FSD1L: variants seen among roughly 807,000 people sequenced by gnomAD.
The protein encoded by FSD1L is fibronectin type III and SPRY domain containing 1 like, also known as FSD1-like protein.
In FSD1L, 45 loss-of-function variants were observed where a neutral mutation model predicts 71.6. The observed-to-expected ratio is 0.63, with a 90% confidence interval of 0.49 to 0.81. The LOEUF (loss-of-function observed/expected upper bound fraction) is 0.81, where lower values mean the gene tolerates loss of function less well. Ranked by LOEUF, FSD1L falls within the 30% of genes least tolerant of loss-of-function variation. FSD1L has a pLI of 0.00. For synonymous variants in FSD1L, 197 were observed against 207.2 expected (o/e 0.95, Z 0.42); for missense variants, 561 against 618.1 (o/e 0.91, Z 0.98).
chr9:105,535,601 C>T (rs1414603200), intron 12 of FSD1L, among the ~76,000 whole-genome samples: 1 of 152,082 alleles, frequency 6.6e-6, no homozygotes, highest in Non-Finnish European at 1.5e-5. Context: ...CATTTTAATT[C>T]CTTCCTTACC....
At chr9:105,447,200 T>G (rs1483311884), upstream of FSD1L, among the ~76,000 whole-genome samples, 1 of 151,522 alleles carries the variant, frequency 6.6e-6, no homozygotes, top group Non-Finnish European at 1.5e-5. Context: ...TGGGGGCGCC[T>G]GTAATCCCAG....
intron 7 of FSD1L, among the ~76,000 whole-genome samples, chr9:105,494,975 T>C (rs186380722): frequency 6.6e-6 from 1 of 152,184 alleles, no homozygotes; most frequent in African/African-American, 2.4e-5. Flanking sequence ...TTGAGGAGGC[T>C]GTCTGCCTGT....
chr9:105,460,223 C>G (rs943057698), intron 1 of FSD1L, among the ~76,000 whole-genome samples: 7 of 152,000 alleles, frequency 4.6e-5, no homozygotes, highest in Non-Finnish European at 1.0e-4. Context: ...ACATCTTAGG[C>G]CAATACAGTT....
chr9:105,494,067 G>A (rs1015881600), intron 7 of FSD1L, among the ~76,000 whole-genome samples: 1 of 152,214 alleles, frequency 6.6e-6, no homozygotes, highest in Admixed American at 6.5e-5. Context: ...GATTGAGGAA[G>A]TTCTCCTGGA....
intron 6 of FSD1L, among the ~76,000 whole-genome samples, chr9:105,482,914 C>A (rs1351668866): frequency 6.6e-6 from 1 of 152,012 alleles, no homozygotes; most frequent in Non-Finnish European, 1.5e-5. Context: ...TTTGAATAAA[C>A]CAAGTAGGTT....
chr9:105,453,044 GTTTT>G (rs774826229), intron 1 of FSD1L, among the ~76,000 whole-genome samples: 3 of 88,238 alleles, frequency 3.4e-5, no homozygotes, highest in Non-Finnish European at 2.1e-5. Context: ...ACCTAAAGTT[GTTTT>G]TTTTTTTTTT....
chr9:105,512,922 A>G lies in FSD1L; in HGVS notation c.1011A>G (p.Lys337=). Residue 337 remains lysine (K), a synonymous_variant, in exon 10 of 14, where the codon AAA becomes AAG. Transcript: ENST00000481272. ...GKGQESKIKG[K]ENKGRSGTPS... The stretch of plus-strand genomic sequence containing the variant: ...GTCAAGAAAGTAAAATTAAAGGAAA[A>G]GAGAACAAGGGCAGGTAAGCTAGAC... 6.5e-7 allele frequency: 1 copy of G among 1,537,004 alleles called. No homozygotes were observed. The highest frequency in any genetic ancestry group is 8.8e-7 in the Non-Finnish European group (1 of 1,141,402).
intron 10 of FSD1L, chr9:105,521,154 G>T (rs2131417728): frequency 1.2e-6 from 2 of 1,613,924 alleles, no homozygotes; most frequent in Middle Eastern, 3.4e-4. Flanking sequence ...TTTCATTAAG[G>T]CTCGTGTTAT....
At chr9:105,497,187 C>T (rs115844177) in intron 7 of FSD1L, among the ~76,000 whole-genome samples, 2,404 of 152,128 alleles carry the variant, frequency 0.016, 87 homozygotes, top group African/African-American at 0.055. Flanking sequence ...TTTCAAATGT[C>T]GAACCAGCCT....
At chr9:105,522,816 A>G (rs1835261350) in intron 10 of FSD1L, 15 of 1,613,408 alleles carry the variant, frequency 9.3e-6, no homozygotes, top group Non-Finnish European at 1.2e-5. Flanking sequence ...TGCCTCGACT[A>G]TGACAAGAAG....
intron 6 of FSD1L, among the ~76,000 whole-genome samples, chr9:105,482,593 G>A (rs773345679): frequency 1.6e-3 from 238 of 152,236 alleles, no homozygotes; most frequent in South Asian, 3.3e-3. Flanking sequence ...TTTAGTTTGG[G>A]CTTTGAGGCA....
At chr9:105,448,576 GT>G in intron 1 of FSD1L, among the ~76,000 whole-genome samples, 1 of 152,172 alleles carries the variant, frequency 6.6e-6, no homozygotes, top group Admixed American at 6.5e-5. Context: ...GAGCGTGCTG[GT>G]GGGGGTGTAT....
At position 105,551,884 on chromosome 9, in the gene FSD1L, C is replaced by G. The variant is rs773515313; in HGVS notation, c.*5401C>G. ...TGTATTTGGTCTAAACAGTTCTTTCCAAACAACCAAATGGCTGGGCAGCTT... is the reference window on the plus strand; with the variant it reads ...TGTATTTGGTCTAAACAGTTCTTTCGAAACAACCAAATGGCTGGGCAGCTT... On this transcript the variant is annotated 3_prime_UTR_variant, in exon 14 of 14. Coordinates refer to ENST00000481272, the MANE Select transcript of FSD1L (RefSeq NM_001145313.3). 4.8e-4 allele frequency: 73 copies of G among 152,234 alleles called. No individual in the cohort carries two copies. The Middle Eastern group carries it at 0.014, about 28-fold the overall frequency. The allele number at this position is 152,234 out of a possible 1,614,324, so 9.4% of individuals were successfully genotyped here. A position where few individuals can be genotyped will look rare whatever the true frequency, so the allele number is the denominator to read the frequency against.
At chr9:105,521,633 A>C in intron 10 of FSD1L, 1 of 1,613,346 alleles carries the variant, frequency 6.2e-7, no homozygotes, top group South Asian at 1.1e-5. Flanking sequence ...TCACTTCTTC[A>C]GACCTCCCTT....
intron 10 of FSD1L, chr9:105,530,407 T>C: frequency 4.0e-6 from 2 of 498,758 alleles, no homozygotes; most frequent in South Asian, 6.2e-5. Context: ...TGGAAGAGTT[T>C]TCCTTACTTA....
chr9:105,526,364 C>T, intron 10 of FSD1L: 1 of 1,612,712 alleles, frequency 6.2e-7, no homozygotes, highest in Non-Finnish European at 8.5e-7. Context: ...CATTAAATAT[C>T]AGTTCTGTTT....
chr9:105,534,411 C>T, intron 10 of FSD1L, 82 bp from the exon 11 acceptor site: 1 of 691,354 alleles, frequency 1.4e-6, no homozygotes, highest in South Asian at 2.0e-5. Context: ...TTCAGAGGTT[C>T]CTTCCATGAT....
intron 1 of FSD1L, among the ~76,000 whole-genome samples, chr9:105,456,505 T>C (rs1014147994): frequency 6.6e-6 from 1 of 152,254 alleles, no homozygotes; most frequent in African/African-American, 2.4e-5. Flanking sequence ...AACATAACTT[T>C]AAGCTGTGCT....
At chr9:105,519,419 C>T (rs150953444) in intron 10 of FSD1L, among the ~76,000 whole-genome samples, 4,056 of 152,208 alleles carry the variant, frequency 0.027, 63 homozygotes, top group African/African-American at 0.036. Flanking sequence ...ACTGGCAAAC[C>T]GAACCCAGCA....
Sources: allele counts gnomAD v4.1 joint callset (sites outside exome capture counted in the v4.1 genomes callset), GRCh38; gene constraint gnomAD v4.1.1; transcripts MANE v1.5; gene names NCBI Gene and HGNC (gene_info 2026-07-23, HGNC 2026-07-21).